The following RBFOX1 variants were observed in gnomAD, a reference collection of about 807,000 sequenced individuals.
RBFOX1 encodes RNA binding fox-1 homolog 1.
In RBFOX1, 8 loss-of-function variants were observed where a neutral mutation model predicts 57.7. The observed-to-expected ratio is 0.14, with a 90% CI of 0.08 to 0.25. RBFOX1 has a LOEUF of 0.25. Among genes scored for constraint, RBFOX1 ranks in the 10% least tolerant of loss-of-function variants. The pLI is 1.00. For missense variants in RBFOX1, 611 were observed against 548.5 expected, an observed-to-expected ratio of 1.11 and a Z score of -1.14; for synonymous variants, 326 against 222.4, an observed-to-expected ratio of 1.47 and a Z score of -4.15.
intron 2 of RBFOX1, among the ~76,000 whole-genome samples, chr16:6,620,452 C>G (rs2098212449): frequency 6.6e-6 from 1 of 152,028 alleles, no homozygotes; most frequent in Non-Finnish European, 1.5e-5. Context: ...GAAACAAGAG[C>G]AAACAAATCC....
chr16:6,688,326 C>A (rs544380193), intron 3 of RBFOX1, among the ~76,000 whole-genome samples: 1 of 152,204 alleles, frequency 6.6e-6, no homozygotes, highest in South Asian at 2.1e-4. Context: ...TGGTGCTAAA[C>A]CATTAGAAAC....
At chr16:5,910,361 A>G (rs2058575015) in intron 4 of RBFOX1, among the ~76,000 whole-genome samples, 4 of 152,170 alleles carry the variant, frequency 2.6e-5, no homozygotes, top group Admixed American at 2.6e-4. Flanking sequence ...TCTAGGAGGT[A>G]CCAGAGCCTT....
At chr16:5,288,041 G>A (rs979343425) in intron 1 of RBFOX1, among the ~76,000 whole-genome samples, 9 of 152,188 alleles carry the variant, frequency 5.9e-5, no homozygotes, top group South Asian at 2.1e-4. Context: ...GCAGGGACTC[G>A]ATGTCCTGCA....
intron 1 of RBFOX1, among the ~76,000 whole-genome samples, chr16:6,258,174 G>A (rs1226697389): frequency 6.6e-6 from 1 of 152,064 alleles, no homozygotes. Context: ...TTTTTGTCTA[G>A]GGTTTACTCA....
intron 3 of RBFOX1, among the ~76,000 whole-genome samples, chr16:5,665,620 G>C (rs1200882450): frequency 1.5e-4 from 23 of 152,224 alleles, no homozygotes; most frequent in Non-Finnish European, 4.4e-5. Context: ...GCCTGGTTCA[G>C]TGTTTGGCAG....
chr16:6,831,017 T>C (rs1051645598), intron 3 of RBFOX1, among the ~76,000 whole-genome samples: 3 of 152,238 alleles, frequency 2.0e-5, no homozygotes, highest in African/African-American at 7.2e-5. Context: ...ATTTACCATC[T>C]AAGCCTTTTC....
intron 13 of RBFOX1, among the ~76,000 whole-genome samples, chr16:7,669,205 C>G (rs949799523): frequency 6.6e-6 from 1 of 152,174 alleles, no homozygotes; most frequent in African/African-American, 2.4e-5. Flanking sequence ...TGACTGACCC[C>G]TGAAGCTATA....
At chr16:6,936,195 C>T (rs1033770752) in intron 3 of RBFOX1, among the ~76,000 whole-genome samples, 3 of 152,028 alleles carry the variant, frequency 2.0e-5, no homozygotes, top group Admixed American at 6.6e-5. Flanking sequence ...AAGGATATTA[C>T]CTTAAGGATA....
At chr16:6,631,529 G>T (rs1490230256) in intron 2 of RBFOX1, among the ~76,000 whole-genome samples, 2 of 151,986 alleles carry the variant, frequency 1.3e-5, no homozygotes, top group African/African-American at 4.8e-5. Flanking sequence ...ATTAAGTGGA[G>T]GTTTTGTTCT....
chr16:6,575,268 A>T (rs2097415300), intron 2 of RBFOX1, among the ~76,000 whole-genome samples: 4 of 152,174 alleles, frequency 2.6e-5, no homozygotes, highest in African/African-American at 9.7e-5. Flanking sequence ...AAAGGCAATG[A>T]TGTGCTTGAT....
intron 3 of RBFOX1, among the ~76,000 whole-genome samples, chr16:6,927,414 C>CAAAAAAAAAAAAAAAA (rs1194663760): frequency 3.8e-5 from 2 of 53,154 alleles, no homozygotes; most frequent in African/African-American, 2.2e-4. Flanking sequence ...CGCTTTCTCA[C>CAAAAAAAAAAAAAAAA]AAAAAAAAAA....
At chr16:5,283,821 C>A (rs1319844778) in intron 1 of RBFOX1, among the ~76,000 whole-genome samples, 1 of 152,010 alleles carries the variant, frequency 6.6e-6, no homozygotes, top group African/African-American at 2.4e-5. Context: ...AGACTTTGGA[C>A]TGTGGACCTC....
At chr16:5,843,758 G>A (rs1163772982) in intron 3 of RBFOX1, among the ~76,000 whole-genome samples, 1 of 152,160 alleles carries the variant, frequency 6.6e-6, no homozygotes, top group East Asian at 1.9e-4. Context: ...GTAAGTACAG[G>A]GATTAAGTTC....
intron 1 of RBFOX1, chr16:5,365,816 G>A: frequency 1.9e-6 from 1 of 517,268 alleles, no homozygotes; most frequent in Non-Finnish European, 3.8e-6. Flanking sequence ...CAGTGGACAT[G>A]GACATGAGCC....
At chr16:5,779,644 A>G (rs925428456) in intron 3 of RBFOX1, among the ~76,000 whole-genome samples, 1 of 152,104 alleles carries the variant, frequency 6.6e-6, no homozygotes, top group Non-Finnish European at 1.5e-5. Context: ...TCCTGGGCTC[A>G]TTGTGGATTC....
chr16:6,987,506 G>C (rs888072210), intron 3 of RBFOX1, among the ~76,000 whole-genome samples: 7 of 122,504 alleles, frequency 5.7e-5, no homozygotes, highest in South Asian at 2.6e-4. Context: ...CACACACACA[G>C]AGGCATGCCC....
chr16:6,358,049 A>G (rs2087708848), intron 2 of RBFOX1, among the ~76,000 whole-genome samples: 1 of 152,096 alleles, frequency 6.6e-6, no homozygotes, highest in African/African-American at 2.4e-5. Flanking sequence ...TTTCGGCTTC[A>G]TCAACTTCCA....
chr16:6,193,388 T>TA (rs2097156451), intron 1 of RBFOX1, among the ~76,000 whole-genome samples: 3 of 33,886 alleles, frequency 8.9e-5, no homozygotes, highest in African/African-American at 2.5e-4. Context: ...ATTATATATA[T>TA]ATACTATATA....
intron 1 of RBFOX1, among the ~76,000 whole-genome samples, chr16:6,128,262 TA>T (rs546268352): frequency 1.1e-4 from 16 of 152,368 alleles, no homozygotes; most frequent in Non-Finnish European, 1.6e-4. Flanking sequence ...ACTTTTTAAA[TA>T]AAATGCAGCT....
Sources: allele counts gnomAD v4.1 joint callset (sites outside exome capture counted in the v4.1 genomes callset), GRCh38; gene constraint gnomAD v4.1.1; transcripts MANE v1.5; gene names NCBI Gene and HGNC (gene_info 2026-07-23, HGNC 2026-07-21).